Variants in IFT88 observed in about 807,000 individuals in gnomAD.
IFT88 encodes intraflagellar transport 88, also known as intraflagellar transport protein 88 homolog.
Under a neutral mutation model 119.5 loss-of-function variants are expected in IFT88, and 74 were observed. The observed-to-expected ratio is 0.62, with a 90% CI of 0.51 to 0.75. The LOEUF (loss-of-function observed/expected upper bound fraction) is 0.75. Among genes scored for constraint, IFT88 ranks in the 30% least tolerant of loss-of-function variants. The probability of loss-of-function intolerance (pLI) is 0.00; values close to 1 mark genes in which losing one functional copy is unlikely to be tolerated. For synonymous variants in IFT88, 279 were observed against 316.7 expected, an observed-to-expected ratio of 0.88 and a Z score of 1.26; for missense variants, 961 against 977.7, an observed-to-expected ratio of 0.98 and a Z score of 0.23.
At chr13:20,666,222 A>C (rs552735541) in intron 23 of IFT88, among the ~76,000 whole-genome samples, 1 of 152,314 alleles carries the variant, frequency 6.6e-6, no homozygotes, top group South Asian at 2.1e-4. Context: ...TCAGCTGTAA[A>C]ATGAGGATAG....
At chr13:20,674,715 TA>T (rs2056399598) in intron 24 of IFT88, among the ~76,000 whole-genome samples, 3 of 38,398 alleles carry the variant, frequency 7.8e-5, no homozygotes, top group African/African-American at 2.6e-4. Context: ...TATATATATA[TA>T]TATATATATT....
chr13:20,641,213 A>G, intron 17 of IFT88, 77 bp from the exon 18 acceptor site: 1 of 805,594 alleles, frequency 1.2e-6, no homozygotes, highest in Non-Finnish European at 1.9e-6. Context: ...ATATTTTGAG[A>G]TTTATTCTGT....
intron 1 of IFT88, among the ~76,000 whole-genome samples, chr13:20,570,432 AGT>A (rs765548921): frequency 1.3e-5 from 2 of 152,242 alleles, no homozygotes; most frequent in Non-Finnish European, 2.9e-5. Context: ...ACACATTCAT[AGT>A]GATGTTATTC....
intron 24 of IFT88, among the ~76,000 whole-genome samples, chr13:20,673,644 A>G (rs1052308964): frequency 1.3e-5 from 2 of 152,242 alleles, no homozygotes; most frequent in African/African-American, 4.8e-5. Context: ...GGGACTGACA[A>G]TGAAGAGAGG....
chr13:20,582,445 G>C (rs2038880056), intron 2 of IFT88, among the ~76,000 whole-genome samples: 1 of 152,238 alleles, frequency 6.6e-6, no homozygotes. Flanking sequence ...TCTCAGACTT[G>C]ACCTCTCCAG....
chr13:20,607,885 G>A (rs2043789848), intron 13 of IFT88: 4 of 705,886 alleles, frequency 5.7e-6, no homozygotes, highest in East Asian at 3.0e-5. Flanking sequence ...CAGCACCAAT[G>A]TCCTGGGCAT....
At chr13:20,602,073 A>AT in intron 12 of IFT88, 140 bp downstream of exon 12, 1 of 596,292 alleles carries the variant, frequency 1.7e-6, no homozygotes. Flanking sequence ...GATGTATTTC[A>AT]TTTTTTATTT....
chr13:20,607,183 C>T lies in IFT88; in HGVS notation c.1112+2078C>T, dbSNP rs114907999. 310 of 395,630 alleles carry T rather than the reference C, an allele frequency of 7.8e-4. 1 individual carries two copies. The highest frequency in any genetic ancestry group is 5.7e-3 in the African/African-American group (270 of 47,652). 24.5% of individuals were successfully genotyped at this position (395,630 alleles called of 1,614,324 possible). A position where few individuals can be genotyped will look rare whatever the true frequency, so the allele number is the denominator to read the frequency against. ...ACGTGGGGCTCCTGCTGCTGCTGCA[C>T]GCCTGGCGCTTGCCCCCTGCACCGC... On this transcript the variant is annotated intron_variant, in intron 13 of 25. Coordinates refer to ENST00000351808, the MANE Select transcript of IFT88 (RefSeq NM_006531.5).
intron 14 of IFT88, among the ~76,000 whole-genome samples, chr13:20,624,716 T>G (rs911164452): frequency 6.6e-6 from 1 of 152,174 alleles, no homozygotes; most frequent in African/African-American, 2.4e-5. Context: ...CATCATACTG[T>G]GTGAATGTCT....
At chr13:20,608,084 T>C in intron 13 of IFT88, 1 of 506,026 alleles carries the variant, frequency 2.0e-6, no homozygotes, top group South Asian at 1.8e-5. Flanking sequence ...TGCAACAATA[T>C]CTTAACAGAC....
intron 13 of IFT88, among the ~76,000 whole-genome samples, chr13:20,613,496 G>T (rs2044995980): frequency 6.6e-6 from 1 of 152,060 alleles, no homozygotes; most frequent in Non-Finnish European, 1.5e-5. Flanking sequence ...AGTATAAAAT[G>T]GTGCTTTGTA....
chr13:20,607,202 G>T, intron 13 of IFT88: 1 of 398,022 alleles, frequency 2.5e-6, no homozygotes, highest in East Asian at 7.3e-5. Context: ...CTTGCCCCCT[G>T]CACCGCCCAT....
chr13:20,587,072 C>T (rs2039806867), intron 3 of IFT88, among the ~76,000 whole-genome samples: 2 of 152,058 alleles, frequency 1.3e-5, no homozygotes, highest in South Asian at 4.2e-4. Flanking sequence ...TAGTTTTATT[C>T]TTAGATAGGG....
At chr13:20,644,815 A>C in intron 19 of IFT88, 28 bp from the exon 20 acceptor site, 1 of 947,860 alleles carries the variant, frequency 1.1e-6, no homozygotes, top group Non-Finnish European at 1.7e-6. Context: ...TTGAAGTTGT[A>C]TTGTTACATT....
intron 2 of IFT88, among the ~76,000 whole-genome samples, chr13:20,581,567 T>C (rs1490639665): frequency 6.6e-6 from 1 of 152,200 alleles, no homozygotes; most frequent in Non-Finnish European, 1.5e-5. Context: ...TATGGAAGGT[T>C]ACAAGGATAA....
intron 22 of IFT88, among the ~76,000 whole-genome samples, chr13:20,661,474 G>T (rs972990372): frequency 6.6e-6 from 1 of 152,176 alleles, no homozygotes; most frequent in Non-Finnish European, 1.5e-5. Flanking sequence ...GGTGGCACAC[G>T]CCTGTAATCC....
At chr13:20,681,090 A>T (rs2057277554) in intron 24 of IFT88, among the ~76,000 whole-genome samples, 1 of 152,222 alleles carries the variant, frequency 6.6e-6, no homozygotes, top group African/African-American at 2.4e-5. Context: ...TTCGTTCCAC[A>T]ATGGCTTGTC....
intron 24 of IFT88, among the ~76,000 whole-genome samples, chr13:20,678,288 G>A (rs374926047): frequency 6.6e-6 from 1 of 152,210 alleles, no homozygotes; most frequent in Non-Finnish European, 1.5e-5. Context: ...ACCCAGCAGT[G>A]CTAGAGGAAT....
In IFT88 at chr13:20,631,017, C is replaced by T. The variant is rs749228909; in HGVS notation, c.1301C>T (p.Ala434Val). The change falls in exon 16 of 26, where the codon GCT becomes GTT. Residue 434 changes from alanine (A) to valine (V), a missense_variant and splice_region_variant. Ala to Val is a moderately conservative substitution (Grantham distance 64). Transcript: ENST00000351808. ...AACCTTCAGATATTCCATTTCTAGGCTGTAGAGATCTTAAAAGTGTTGGAA... is the reference window on the plus strand; with the variant it reads ...AACCTTCAGATATTCCATTTCTAGGTTGTAGAGATCTTAAAAGTGTTGGAA... ...TYLRQKDYNQAVEILKVLEKK... is the reference protein window; with the variant it reads ...TYLRQKDYNQVVEILKVLEKK... 2 of 1,559,384 alleles carry T rather than the reference C, an allele frequency of 1.3e-6. No homozygotes were observed. The highest frequency in any genetic ancestry group is 2.7e-5 in the African/African-American group (2 of 74,050).
Sources: gnomAD v4.1 joint callset for allele counts (sites outside exome capture counted in the v4.1 genomes callset) on GRCh38, gnomAD v4.1.1 for gene constraint, MANE v1.5 for transcripts, NCBI Gene and HGNC (gene_info 2026-07-23, HGNC 2026-07-21) for gene names.